Variants in PRKN observed in about 807,000 individuals in gnomAD.
PRKN encodes E3 ubiquitin-protein ligase parkin.
PRKN carries 56 observed loss-of-function variants against 59.5 expected under a neutral mutation model. That is an observed-to-expected ratio of 0.94 (90% CI 0.76 to 1.18). The LOEUF (loss-of-function observed/expected upper bound fraction) is 1.18. Ranked by LOEUF, PRKN falls within the 50% of genes most tolerant of loss-of-function variation. The probability of loss-of-function intolerance (pLI) is 0.00; values close to 1 mark genes in which losing one functional copy is unlikely to be tolerated. For synonymous variants in PRKN, 250 were observed against 222.1 expected (o/e 1.13, Z -1.12); for missense variants, 657 against 596.4 (o/e 1.10, Z -1.06).
At chr6:162,393,956 A>C (rs1479661970) in intron 2 of PRKN, among the ~76,000 whole-genome samples, 1 of 152,226 alleles carries the variant, frequency 6.6e-6, no homozygotes, top group East Asian at 1.9e-4. Flanking sequence ...TTTTGATTAC[A>C]AAAGAAATAC....
chr6:162,217,598 G>C (rs1194839994), intron 3 of PRKN, among the ~76,000 whole-genome samples: 1 of 152,068 alleles, frequency 6.6e-6, no homozygotes. Flanking sequence ...CACCATGTTG[G>C]TCAGGCTGGT....
In PRKN at chr6:161,674,888, A is replaced by G. The variant is rs187843689; in HGVS notation, c.872-105472T>C. Among the ~76,000 whole-genome samples the G allele has an allele frequency of 4.5e-3, 684 of 152,342 alleles. 6 individuals are homozygous for G. Among genetic ancestry groups the G allele is most frequent in the African/African-American group, 0.016 (658 of 41,576 alleles). ...TGTCTACTGGGATGATGAAGAGTCA[A>G]GGGTAGGAAGGAGGCAGCGCCAAGG... On this transcript the variant is annotated intron_variant, in intron 7 of 11. Coordinates refer to ENST00000366898, the MANE Select transcript of PRKN (RefSeq NM_004562.3).
At position 161,694,422 on chromosome 6, in the gene PRKN, G is replaced by GT. The variant is rs1198682295; in HGVS notation, c.871+91349dup. ...ATACATAACGTAAATACCCTTTGGG[G>GT]TTTTTTTTTAAGCAATTAGGCACAC... On this transcript the variant is annotated intron_variant, in intron 7 of 11. Transcript: ENST00000366898. 1.5e-4 allele frequency among the ~76,000 whole-genome samples: 22 copies of GT among 151,260 alleles called. 1 individual carries two copies. The East Asian group carries it at 2.1e-3, about 15-fold the overall frequency.
rs577754660 is a variant in PRKN at position 161,843,626 on chromosome 6, A to G, written c.735-57718T>C. Among the ~76,000 whole-genome samples, 10 of 152,268 alleles carry G rather than the reference A, an allele frequency of 6.6e-5. No homozygotes were observed. The South Asian group carries it at 1.9e-3, about 28-fold the overall frequency. On this transcript the variant is annotated intron_variant, in intron 6 of 11. Coordinates refer to ENST00000366898, the MANE Select transcript of PRKN (RefSeq NM_004562.3). ...CATGGTGAAACCCCATCTCTACTAA[A>G]AATACAAAAAGGAATTAGATAGGCA...
rs540746848 is a variant in PRKN at position 162,714,334 on chromosome 6, C to T, written c.7+13328G>A. On this transcript the variant is annotated intron_variant, in intron 1 of 11. Coordinates refer to ENST00000366898, the MANE Select transcript of PRKN (RefSeq NM_004562.3). ...CCTTCTTTGCTTTGCGTCACGGGGC[C>T]TTTGTCTAACCAGGGGCTGAGGAGA... Among the ~76,000 whole-genome samples, 36 of 152,284 alleles carry T rather than the reference C, an allele frequency of 2.4e-4. No individual in the cohort carries two copies. The South Asian group carries it at 7.2e-3, about 31-fold the overall frequency.
intron 1 of PRKN, among the ~76,000 whole-genome samples, chr6:162,646,632 T>C (rs1192146076): frequency 6.6e-6 from 1 of 152,126 alleles, no homozygotes; most frequent in African/African-American, 2.4e-5. Context: ...CACTTAACAT[T>C]GCAGATACAT....
chr6:161,822,667 C>T (rs998659868), intron 6 of PRKN, among the ~76,000 whole-genome samples: 3 of 151,492 alleles, frequency 2.0e-5, no homozygotes, highest in African/African-American at 4.9e-5. Flanking sequence ...CAGAGTGAAA[C>T]GCTGTCAAAA....
At chr6:162,430,070 T>C (rs1160710802) in intron 2 of PRKN, among the ~76,000 whole-genome samples, 2 of 152,136 alleles carry the variant, frequency 1.3e-5, no homozygotes, top group Non-Finnish European at 2.9e-5. Flanking sequence ...TCCCAGCTTA[T>C]GATTCTCCTC....
intron 1 of PRKN, among the ~76,000 whole-genome samples, chr6:162,581,237 T>C (rs566362560): frequency 1.1e-4 from 17 of 152,346 alleles, no homozygotes; most frequent in East Asian, 7.7e-4. Context: ...GACAGTTAGA[T>C]TCATTCATAA....
At chr6:162,588,176 A>G (rs1781144826) in intron 1 of PRKN, among the ~76,000 whole-genome samples, 1 of 151,588 alleles carries the variant, frequency 6.6e-6, no homozygotes, top group African/African-American at 2.4e-5. Flanking sequence ...ATCCCTAACT[A>G]ATTTTTGTAT....
intron 3 of PRKN, 51 bp from the exon 4 acceptor site, chr6:162,201,303 A>G (rs1562576610): frequency 6.3e-7 from 1 of 1,598,724 alleles, no homozygotes; most frequent in Non-Finnish European, 8.6e-7. Flanking sequence ...ATCTAAATTG[A>G]GACAAGAAAC....
At chr6:161,803,532 C>T (rs992312600) in intron 6 of PRKN, among the ~76,000 whole-genome samples, 2 of 152,192 alleles carry the variant, frequency 1.3e-5, no homozygotes, top group African/African-American at 4.8e-5. Flanking sequence ...ACTCATTGAG[C>T]AGACTGGAAA....
intron 2 of PRKN, among the ~76,000 whole-genome samples, chr6:162,396,687 T>C (rs1189449334): frequency 1.3e-5 from 2 of 152,188 alleles, no homozygotes; most frequent in Non-Finnish European, 2.9e-5. Flanking sequence ...TACAGAAACA[T>C]AATTTTCTGT....
At chr6:162,384,728 C>T (rs900684777) in intron 2 of PRKN, among the ~76,000 whole-genome samples, 5 of 151,158 alleles carry the variant, frequency 3.3e-5, no homozygotes, top group African/African-American at 1.2e-4. Context: ...ATGAGCTGTG[C>T]CTGTGATACC....
intron 7 of PRKN, among the ~76,000 whole-genome samples, chr6:161,628,110 T>A (rs1449310416): frequency 5.3e-5 from 8 of 152,140 alleles, no homozygotes; most frequent in Admixed American, 4.6e-4. Flanking sequence ...GATTTATTGC[T>A]CTCCTTTTTC....
At chr6:162,135,131 TTTG>T (rs971473376) in intron 4 of PRKN, among the ~76,000 whole-genome samples, 19 of 152,062 alleles carry the variant, frequency 1.2e-4, no homozygotes, top group African/African-American at 4.1e-4. Flanking sequence ...AAATATTAGT[TTTG>T]TTGTTGTTGT....
At chr6:161,884,481 C>T (rs901517417) in intron 6 of PRKN, among the ~76,000 whole-genome samples, 3 of 152,130 alleles carry the variant, frequency 2.0e-5, no homozygotes, top group African/African-American at 4.8e-5. Flanking sequence ...TAATATAATT[C>T]GACTCAAGTG....
intron 1 of PRKN, among the ~76,000 whole-genome samples, chr6:162,662,131 T>C (rs1361937567): frequency 6.6e-6 from 1 of 152,094 alleles, no homozygotes; most frequent in African/African-American, 2.4e-5. Context: ...TGGGTACATA[T>C]CCAGTAATGG....
intron 2 of PRKN, among the ~76,000 whole-genome samples, chr6:162,397,863 C>A (rs1319147478): frequency 6.6e-6 from 1 of 151,660 alleles, no homozygotes; most frequent in Non-Finnish European, 1.5e-5. Flanking sequence ...GTAGTGAAAC[C>A]CCATCTCTAG....
Sources: allele counts gnomAD v4.1 joint callset (sites outside exome capture counted in the v4.1 genomes callset), GRCh38; gene constraint gnomAD v4.1.1; transcripts MANE v1.5; gene names NCBI Gene and HGNC (gene_info 2026-07-23, HGNC 2026-07-21).